Variants in ABI3BP observed in about 807,000 individuals in gnomAD.
The protein encoded by ABI3BP is ABI family member 3 binding protein.
In ABI3BP, 216 loss-of-function variants were observed where a neutral mutation model predicts 268.6. The ratio of observed to expected loss-of-function variants is 0.80; its 90% CI spans 0.72 to 0.90. ABI3BP has a LOEUF of 0.90. Among genes scored for constraint, ABI3BP ranks in the 40% least tolerant of loss-of-function variants. ABI3BP has a pLI of 0.00. For missense variants in ABI3BP, 2,090 were observed against 2,182.4 expected, an observed-to-expected ratio of 0.96 and a Z score of 0.84; for synonymous variants, 730 against 730.0, an observed-to-expected ratio of 1.00 and a Z score of 0.00.
chr3:100,780,042 G>T, intron 58 of ABI3BP, 90 bp downstream of exon 58: 2 of 1,171,814 alleles, frequency 1.7e-6, no homozygotes, highest in East Asian at 2.4e-5. Context: ...CTGTGTGGAT[G>T]TTGCTGTTTT....
intron 58 of ABI3BP, 87 bp from the exon 59 acceptor site, chr3:100,778,463 A>G (rs2096773143): frequency 3.3e-6 from 4 of 1,226,586 alleles, no homozygotes; most frequent in Non-Finnish European, 4.6e-6. Flanking sequence ...AAAAATAAAA[A>G]ATAATGTTTG....
At chr3:100,968,202 G>A (rs952858585) in intron 1 of ABI3BP, among the ~76,000 whole-genome samples, 6 of 152,022 alleles carry the variant, frequency 3.9e-5, no homozygotes, top group African/African-American at 1.2e-4. Flanking sequence ...ATCCTGTTAA[G>A]AAAAACAAAT....
In ABI3BP at chr3:100,864,034, A is replaced by G. The variant is rs1445170807; in HGVS notation, c.1106T>C (p.Ile369Thr). 2 of 1,535,952 alleles carry G rather than the reference A, an allele frequency of 1.3e-6. No homozygotes were observed. The highest frequency in any genetic ancestry group is 2.7e-5 in the African/African-American group (2 of 73,058). ...GCTCAGTGGCAATTCAAACTGAGGTATTAGAATAGTTTGCAATGTTTCCGG... is the reference window on the plus strand; with the variant it reads ...GCTCAGTGGCAATTCAAACTGAGGTGTTAGAATAGTTTGCAATGTTTCCGG... ...RTPETLQTILIPQFELPLSTL... is the reference protein window; with the variant it reads ...RTPETLQTILTPQFELPLSTL... Residue 369 changes from isoleucine to threonine, a missense_variant, in exon 12 of 68, where the codon ATA becomes ACA. By Grantham distance (89) the Ile-to-Thr change is moderately conservative (BLOSUM62 -1). Coordinates refer to ENST00000471714, the MANE Select transcript of ABI3BP (RefSeq NM_001375547.2).
Position 100,822,606 on chromosome 3 carries a change from G to A in ABI3BP, c.2870C>T (p.Ala957Val). ...LRTKTTPRPE[A>V]PESKPVPTAE... ...TAGTTTACCTGGTTTGGATTCAGGT[G>A]CTTCAGGACGTGGTGTGGTTTTTGT... Residue 957 changes from alanine to valine, a missense_variant, in exon 38 of 68, where the codon GCA (alanine) becomes GTA (valine). Coordinates refer to ENST00000471714, the MANE Select transcript of ABI3BP (RefSeq NM_001375547.2). 2 of 1,536,504 alleles carry A rather than the reference G, an allele frequency of 1.3e-6. No homozygotes were observed. The highest frequency in any genetic ancestry group is 1.7e-6 in the Non-Finnish European group (2 of 1,146,914).
At chr3:100,866,485 G>A (rs953773639) in intron 10 of ABI3BP, among the ~76,000 whole-genome samples, 1 of 152,084 alleles carries the variant, frequency 6.6e-6, no homozygotes, top group African/African-American at 2.4e-5. Flanking sequence ...TAGATATTAA[G>A]CTATGGATTT....
intron 1 of ABI3BP, among the ~76,000 whole-genome samples, chr3:100,926,915 A>G (rs2061965576): frequency 6.6e-6 from 1 of 152,174 alleles, no homozygotes; most frequent in Non-Finnish European, 1.5e-5. Context: ...AGAGTTGGAA[A>G]CAGAGGGAAG....
intron 1 of ABI3BP, among the ~76,000 whole-genome samples, chr3:100,937,283 C>A (rs897077361): frequency 6.6e-6 from 1 of 152,050 alleles, no homozygotes; most frequent in Non-Finnish European, 1.5e-5. Flanking sequence ...TGGGAAAATG[C>A]TTGCCAGTTA....
chr3:100,765,880 TG>T lies in ABI3BP; in HGVS notation c.4810del (p.Gln1604ArgfsTer6). 6.2e-7 allele frequency: 1 copy of T among 1,612,498 alleles called. No homozygotes were observed. Among genetic ancestry groups the T allele is most frequent in the Non-Finnish European group, 8.5e-7 (1 of 1,179,180 alleles). The part of the protein sequence containing the change: ...GKNKSIQMTN[Q>X]TFSTVENLKP... ...CAGATTTTCTACTGTGGAAAATGTC[TG>T]ATTTGTCATTTGAATGGACTTGTTC... On this transcript the variant is annotated frameshift_variant, in exon 63 of 68. Transcript: ENST00000471714. LOFTEE classifies it high-confidence loss of function.
At chr3:100,757,794 T>C (rs1041121871) in intron 63 of ABI3BP, among the ~76,000 whole-genome samples, 7 of 152,046 alleles carry the variant, frequency 4.6e-5, no homozygotes, top group Non-Finnish European at 7.4e-5. Context: ...AGTCTAGACA[T>C]AGGGATTTAA....
intron 1 of ABI3BP, among the ~76,000 whole-genome samples, chr3:100,935,574 G>A (rs1017430600): frequency 3.9e-5 from 6 of 152,076 alleles, no homozygotes; most frequent in African/African-American, 1.2e-4. Flanking sequence ...TGGGCAGTAT[G>A]GCCATTTTCA....
Position 100,752,954 on chromosome 3 carries a change from A to G in ABI3BP, c.4961-6T>C, listed in dbSNP as rs754752947. On this transcript the variant is annotated splice_region_variant and splice_polypyrimidine_tract_variant and intron_variant, in intron 65 of 67. Transcript: ENST00000471714. ...CCAGATGGCATCTCTTCCTGCTACA[A>G]AAGGAAAATAGTTTGAGTTTAGTAT... 2 of 1,607,476 alleles carry G rather than the reference A, an allele frequency of 1.2e-6. No homozygotes were observed. Among genetic ancestry groups the G allele is most frequent in the South Asian group, 2.2e-5 (2 of 90,550 alleles).
chr3:100,927,107 C>CGA (rs2062028856), intron 1 of ABI3BP, among the ~76,000 whole-genome samples: 1 of 152,016 alleles, frequency 6.6e-6, no homozygotes, highest in Admixed American at 6.6e-5. Flanking sequence ...GGATGGGGGT[C>CGA]GAGACCCATC....
intron 9 of ABI3BP, among the ~76,000 whole-genome samples, chr3:100,872,817 A>G (rs1012916938): frequency 1.3e-5 from 2 of 152,168 alleles, no homozygotes; most frequent in Non-Finnish European, 2.9e-5. Context: ...CTGATGCACA[A>G]ATTAAGAAAA....
chr3:100,804,733 A>G, intron 51 of ABI3BP, 59 bp downstream of exon 51: 3 of 1,456,470 alleles, frequency 2.1e-6, no homozygotes, highest in Non-Finnish European at 2.9e-6. Flanking sequence ...CTCATGTTTC[A>G]CTGAAGCAGA....
intron 64 of ABI3BP, 97 bp downstream of exon 64, chr3:100,754,515 G>T: frequency 1.7e-6 from 2 of 1,197,078 alleles, no homozygotes; most frequent in Non-Finnish European, 2.4e-6. Flanking sequence ...TCAAGAAACA[G>T]TACATGTAGT....
At chr3:100,788,519 C>T (rs1025560416) in intron 56 of ABI3BP, among the ~76,000 whole-genome samples, 7 of 152,046 alleles carry the variant, frequency 4.6e-5, no homozygotes, top group Non-Finnish European at 7.4e-5. Flanking sequence ...TCACAGGGCA[C>T]ATGGCCAGTG....
intron 1 of ABI3BP, among the ~76,000 whole-genome samples, chr3:100,963,905 T>A (rs914250128): frequency 8.5e-5 from 13 of 152,232 alleles, no homozygotes; most frequent in African/African-American, 3.1e-4. Context: ...GTTCCTTTCT[T>A]ATAAAAGCCT....
intron 29 of ABI3BP, 140 bp downstream of exon 29, chr3:100,834,544 C>A: frequency 1.5e-6 from 1 of 687,882 alleles, no homozygotes; most frequent in South Asian, 1.9e-5. Context: ...CGCCAGAGCA[C>A]TGTGTTGGTA....
At chr3:100,936,290 G>T (rs766648652) in intron 1 of ABI3BP, among the ~76,000 whole-genome samples, 1 of 152,052 alleles carries the variant, frequency 6.6e-6, no homozygotes, top group African/African-American at 2.4e-5. Flanking sequence ...ATTAATTTGC[G>T]TATGTTGAAC....
Sources: allele counts gnomAD v4.1 joint callset (sites outside exome capture counted in the v4.1 genomes callset), GRCh38; gene constraint gnomAD v4.1.1; transcripts MANE v1.5; gene names NCBI Gene and HGNC (gene_info 2026-07-23, HGNC 2026-07-21).